KIAA1217: variants seen among roughly 807,000 people sequenced by gnomAD.
KIAA1217 encodes the protein sickle tail protein homolog.
Under a neutral mutation model 163.9 loss-of-function variants are expected in KIAA1217, and 88 were observed. The ratio of observed to expected loss-of-function variants is 0.54; its 90% CI spans 0.45 to 0.64. The LOEUF is 0.64. Among genes scored for constraint, KIAA1217 ranks in the 30% least tolerant of loss-of-function variants. KIAA1217 has a pLI of 0.00. For synonymous variants in KIAA1217, 903 were observed against 923.1 expected (o/e 0.98, Z 0.39); for missense variants, 2,372 against 2,475.0 (o/e 0.96, Z 0.88).
At chr10:23,869,860 G>A (rs540798547) in intron 1 of KIAA1217, among the ~76,000 whole-genome samples, 133 of 152,190 alleles carry the variant, frequency 8.7e-4, no homozygotes, top group African/African-American at 3.2e-3. Context: ...AATATTTTTA[G>A]TCAATATTTA....
chr10:23,881,105 A>T (rs1249215092), intron 1 of KIAA1217, among the ~76,000 whole-genome samples: 1 of 151,910 alleles, frequency 6.6e-6, no homozygotes, highest in Non-Finnish European at 1.5e-5. Context: ...GATAAAAAAA[A>T]AAAAATGCTG....
At chr10:24,314,705 G>T (rs1477981319) in intron 2 of KIAA1217, among the ~76,000 whole-genome samples, 1 of 152,098 alleles carries the variant, frequency 6.6e-6, no homozygotes, top group Admixed American at 6.6e-5. Context: ...ACTTTGGGAG[G>T]CCGAGGCAGG....
Position 24,544,961 on chromosome 10 carries a change from C to T in KIAA1217, c.5212-20C>T, listed in dbSNP as rs200859520. 5.6e-6 allele frequency: 9 copies of T among 1,610,538 alleles called. No homozygotes were observed. The East Asian group carries it at 1.3e-4, about 24-fold the overall frequency. ...ATGCGCTTCTCCTTCTCTTCCCCCT[C>T]TCACTGGTCCTTCCCACAGGGCTCC... is the stretch of plus-strand genomic sequence containing the variant. On this transcript the variant is annotated intron_variant, in intron 19 of 20. Transcript: ENST00000376454.
chr10:23,916,648 A>C (rs1012490278), intron 1 of KIAA1217, among the ~76,000 whole-genome samples: 1 of 152,184 alleles, frequency 6.6e-6, no homozygotes, highest in African/African-American at 2.4e-5. Flanking sequence ...CATGTAGCCT[A>C]CATATGCTAG....
chr10:24,152,343 A>G (rs1427680840), intron 2 of KIAA1217, among the ~76,000 whole-genome samples: 1 of 152,240 alleles, frequency 6.6e-6, no homozygotes, highest in Non-Finnish European at 1.5e-5. Context: ...CAGATACAGA[A>G]TGAGCGCCTG....
intron 2 of KIAA1217, among the ~76,000 whole-genome samples, chr10:24,024,084 T>A (rs1311753881): frequency 6.6e-6 from 1 of 151,604 alleles, no homozygotes; most frequent in Non-Finnish European, 1.5e-5. Flanking sequence ...CAATTTATTG[T>A]TTTTTAAATT....
chr10:23,893,283 G>C (rs913787810), intron 1 of KIAA1217, among the ~76,000 whole-genome samples: 1 of 152,058 alleles, frequency 6.6e-6, no homozygotes, highest in Non-Finnish European at 1.5e-5. Flanking sequence ...TTGCATAGAG[G>C]TGTTTGTAGT....
intron 2 of KIAA1217, among the ~76,000 whole-genome samples, chr10:24,198,495 G>A (rs958679443): frequency 4.0e-5 from 6 of 151,480 alleles, no homozygotes; most frequent in African/African-American, 1.5e-4. Flanking sequence ...TATAATCCCA[G>A]CTATTTGGAT....
intron 1 of KIAA1217, among the ~76,000 whole-genome samples, chr10:23,824,649 AATAAAAAAAATATAT>A (rs1241575177): frequency 2.0e-4 from 15 of 73,492 alleles, no homozygotes; most frequent in African/African-American, 8.5e-4. Flanking sequence ...AAAAAAAAAA[AATAAAAAAAATATAT>A]ATATATATAT....
At chr10:23,904,680 C>T (rs1014257263) in intron 1 of KIAA1217, among the ~76,000 whole-genome samples, 2 of 152,086 alleles carry the variant, frequency 1.3e-5, no homozygotes, top group African/African-American at 4.8e-5. Context: ...TTGGCCCAAG[C>T]AAGTCACGTG....
At chr10:24,521,366 G>A (rs1310035855) in intron 11 of KIAA1217, among the ~76,000 whole-genome samples, 2 of 151,924 alleles carry the variant, frequency 1.3e-5, no homozygotes, top group East Asian at 1.9e-4. Flanking sequence ...GCTGGGCATG[G>A]TGGTGTGCAG....
At chr10:24,265,796 T>C (rs1027828760) in intron 2 of KIAA1217, among the ~76,000 whole-genome samples, 1 of 152,062 alleles carries the variant, frequency 6.6e-6, no homozygotes, top group African/African-American at 2.4e-5. Flanking sequence ...GAATAAAACA[T>C]TAAAATAAAT....
At chr10:24,017,040 G>GTTTTTTTTTTTT (rs35042335) in intron 2 of KIAA1217, among the ~76,000 whole-genome samples, 44 of 130,198 alleles carry the variant, frequency 3.4e-4, no homozygotes, top group East Asian at 4.9e-4. Flanking sequence ...TAGTTTTTTT[G>GTTTTTTTTTTTT]TTTTTTTTTT....
intron 2 of KIAA1217, among the ~76,000 whole-genome samples, chr10:24,309,925 A>C (rs1227607198): frequency 6.6e-6 from 1 of 152,214 alleles, no homozygotes; most frequent in African/African-American, 2.4e-5. Flanking sequence ...GAGCAGTGCA[A>C]TAATTGTTAT....
At chr10:24,345,813 T>C (rs1051709213) in intron 2 of KIAA1217, among the ~76,000 whole-genome samples, 2 of 152,182 alleles carry the variant, frequency 1.3e-5, no homozygotes, top group African/African-American at 2.4e-5. Flanking sequence ...TAAATTGTAG[T>C]AAAATACACA....
At chr10:24,174,410 G>A (rs117063654) in intron 2 of KIAA1217, among the ~76,000 whole-genome samples, 12 of 152,266 alleles carry the variant, frequency 7.9e-5, no homozygotes, top group South Asian at 6.2e-4. Context: ...CTATGTGCAC[G>A]TATGTGCATG....
At chr10:24,228,558 C>G (rs1396839319) in intron 2 of KIAA1217, among the ~76,000 whole-genome samples, 3 of 152,150 alleles carry the variant, frequency 2.0e-5, no homozygotes, top group Non-Finnish European at 4.4e-5. Flanking sequence ...CTCTTGCGAT[C>G]ATGCCATCTC....
intron 2 of KIAA1217, among the ~76,000 whole-genome samples, chr10:24,035,412 T>A (rs1848349829): frequency 6.6e-6 from 1 of 152,312 alleles, no homozygotes; most frequent in Non-Finnish European, 1.5e-5. Context: ...CTTTATACCC[T>A]CAGTTGGATG....
At chr10:23,927,966 TA>T (rs1843097333) in intron 1 of KIAA1217, among the ~76,000 whole-genome samples, 1 of 152,238 alleles carries the variant, frequency 6.6e-6, no homozygotes, top group African/African-American at 2.4e-5. Context: ...CTTGTGCTGT[TA>T]AACTTTAGGC....
Sources: gnomAD v4.1 joint callset for allele counts (sites outside exome capture counted in the v4.1 genomes callset) on GRCh38, gnomAD v4.1.1 for gene constraint, MANE v1.5 for transcripts, NCBI Gene and HGNC (gene_info 2026-07-23, HGNC 2026-07-21) for gene names.